EIF3CL: variants seen among roughly 807,000 people sequenced by gnomAD.
EIF3CL encodes eukaryotic translation initiation factor 3 subunit C like, also known as eukaryotic translation initiation factor 3 subunit C-like protein.
For synonymous variants in EIF3CL, 2 were observed against 19.6 expected (o/e 0.10, Z 2.37); for missense variants, 5 against 56.1 (o/e 0.09, Z 2.91).
chr16:28,386,740 G>A (rs368484473), intron 15 of EIF3CL, among the ~76,000 whole-genome samples: 2 of 78,500 alleles, frequency 2.5e-5, no homozygotes, highest in Admixed American at 1.6e-4. Flanking sequence ...GCAACAGAGC[G>A]AGACTCTGTC....
chr16:28,417,397 T>C, the EIF3CL span, among the ~76,000 whole-genome samples: 1 of 131,376 alleles, frequency 7.6e-6, no homozygotes, highest in African/African-American at 2.8e-5. Context: ...GGGGAAAAGA[T>C]TGAGAAATCG....
the EIF3CL span, among the ~76,000 whole-genome samples, chr16:28,424,145 A>G: frequency 7.0e-6 from 1 of 142,596 alleles, no homozygotes; most frequent in Non-Finnish European, 1.5e-5. Flanking sequence ...CCGCCACCAC[A>G]CCCAGCTAAT....
chr16:28,396,720 T>C (rs1337063488), intron 8 of EIF3CL, among the ~76,000 whole-genome samples: 4 of 53,670 alleles, frequency 7.5e-5, no homozygotes, highest in Non-Finnish European at 1.6e-4. Flanking sequence ...TTGTATGTCA[T>C]GTACACCTCA....
chr16:28,417,843 AC>A, the EIF3CL span, among the ~76,000 whole-genome samples: 1 of 145,650 alleles, frequency 6.9e-6, no homozygotes, highest in South Asian at 2.2e-4. Context: ...AAAAAAAAAA[AC>A]TCAAATAAAG....
At chr16:28,419,069 T>C in the EIF3CL span, among the ~76,000 whole-genome samples, 2 of 142,016 alleles carry the variant, frequency 1.4e-5, no homozygotes, top group African/African-American at 5.1e-5. Flanking sequence ...TGCAGTAGGA[T>C]GATCTTGGCT....
the EIF3CL span, among the ~76,000 whole-genome samples, chr16:28,417,001 C>G: frequency 2.2e-5 from 2 of 92,920 alleles, no homozygotes; most frequent in African/African-American, 3.9e-5. Flanking sequence ...CCGCCCCGTC[C>G]GGGAGGGAGG....
chr16:28,418,638 C>CT, the EIF3CL span, among the ~76,000 whole-genome samples: 550 of 137,502 alleles, frequency 4.0e-3, no homozygotes, highest in East Asian at 0.068. Context: ...CCATTCAAGT[C>CT]TTTTTTTTTT....
At chr16:28,422,923 A>C in the EIF3CL span, among the ~76,000 whole-genome samples, 27 of 125,446 alleles carry the variant, frequency 2.2e-4, no homozygotes, top group Middle Eastern at 3.8e-3. Context: ...GCTCATACGT[A>C]TAACCCCAGC....
the EIF3CL span, among the ~76,000 whole-genome samples, chr16:28,416,761 G>A: frequency 3.5e-5 from 4 of 114,342 alleles, no homozygotes; most frequent in Admixed American, 9.5e-5. Context: ...AGGTGGGGGG[G>A]GTCAGCCCCC....
the EIF3CL span, among the ~76,000 whole-genome samples, chr16:28,426,121 G>A: frequency 2.9e-5 from 3 of 104,936 alleles, no homozygotes; most frequent in Non-Finnish European, 5.9e-5. Flanking sequence ...ACACACACAC[G>A]CAAACAACAA....
the EIF3CL span, among the ~76,000 whole-genome samples, chr16:28,424,114 A>G: frequency 6.8e-6 from 1 of 146,834 alleles, no homozygotes; most frequent in African/African-American, 2.5e-5. Context: ...CAGCCTCCTG[A>G]GTAGCTGGGA....
chr16:28,417,262 C>A, the EIF3CL span, among the ~76,000 whole-genome samples: 1 of 149,522 alleles, frequency 6.7e-6, no homozygotes. Context: ...CCCGGCCGCC[C>A]CTACTGGGAA....
the EIF3CL span, among the ~76,000 whole-genome samples, chr16:28,418,587 T>C: frequency 7.1e-6 from 1 of 140,624 alleles, no homozygotes; most frequent in Non-Finnish European, 1.5e-5. Flanking sequence ...TCCACAGTCA[T>C]TCTCTAAGAT....
chr16:28,422,803 C>G, the EIF3CL span, among the ~76,000 whole-genome samples: 3 of 123,274 alleles, frequency 2.4e-5, no homozygotes, highest in African/African-American at 6.1e-5. Flanking sequence ...CACCACTGCA[C>G]TCCAGCCTGG....
chr16:28,417,194 G>C, the EIF3CL span, among the ~76,000 whole-genome samples: 3 of 147,776 alleles, frequency 2.0e-5, no homozygotes, highest in Non-Finnish European at 4.5e-5. Flanking sequence ...GGGAGGTGGG[G>C]GGGGTCAGCC....
At position 28,402,310 on chromosome 16, in the gene EIF3CL, G is replaced by A. The variant is rs2045660460; in HGVS notation, c.102-706C>T. Among the ~76,000 whole-genome samples, 2 of 140,594 alleles carry A rather than the reference G, an allele frequency of 1.4e-5. 1 individual carries two copies. Among genetic ancestry groups the A allele is most frequent in the African/African-American group, 5.5e-5 (2 of 36,302 alleles). 92.2% of individuals were successfully genotyped at this position (140,594 alleles called of 152,430 possible). A position where few individuals can be genotyped will look rare whatever the true frequency, so the allele number is the denominator to read the frequency against. On this transcript the variant is annotated intron_variant, in intron 2 of 20. Transcript: ENST00000380876. ...GATTATTTTAGCGGTGTTTTTTGAG[G>A]TGGAGTTTTGCTTTTATCGCCCAGG...
the EIF3CL span, among the ~76,000 whole-genome samples, chr16:28,415,910 G>A: frequency 5.2e-5 from 5 of 95,566 alleles, 1 homozygote; most frequent in Non-Finnish European, 1.1e-4. Context: ...ATGCGGAGCC[G>A]AAGCTGGACT....
the EIF3CL span, among the ~76,000 whole-genome samples, chr16:28,419,015 T>C: frequency 6.9e-6 from 1 of 145,590 alleles, no homozygotes; most frequent in East Asian, 2.0e-4. Flanking sequence ...TTTTAAAATT[T>C]TTTTTCTTTG....
the EIF3CL span, among the ~76,000 whole-genome samples, chr16:28,419,198 G>A: frequency 1.3e-5 from 2 of 150,598 alleles, no homozygotes; most frequent in African/African-American, 5.0e-5. Context: ...AGTAGAGATG[G>A]GGTTTCACCG....
Sources: gnomAD v4.1 joint callset for allele counts (sites outside exome capture counted in the v4.1 genomes callset) on GRCh38, gnomAD v4.1.1 for gene constraint, MANE v1.5 for transcripts, NCBI Gene and HGNC (gene_info 2026-07-23, HGNC 2026-07-21) for gene names.